The following NUP188 variants were observed in gnomAD, a reference collection of about 807,000 sequenced individuals.
The protein encoded by NUP188 is nucleoporin NUP188.
In NUP188, 97 loss-of-function variants were observed where a neutral mutation model predicts 223.0. That is an observed-to-expected ratio of 0.43 (90% CI 0.37 to 0.51). The LOEUF (loss-of-function observed/expected upper bound fraction) is 0.51. NUP188 is among the 20% of genes least tolerant of loss of function. The pLI, the probability that NUP188 is intolerant of heterozygous loss-of-function variation, is 0.00. For synonymous variants in NUP188, 869 were observed against 828.0 expected, an observed-to-expected ratio of 1.05 and a Z score of -0.85; for missense variants, 1,947 against 2,175.6, an observed-to-expected ratio of 0.89 and a Z score of 2.09.
At chr9:128,960,716 A>C (rs1055444650) in intron 8 of NUP188, among the ~76,000 whole-genome samples, 1 of 152,136 alleles carries the variant, frequency 6.6e-6, no homozygotes, top group Non-Finnish European at 1.5e-5. Flanking sequence ...GTGGGAGGCC[A>C]AGGCAGGCAG....
chr9:128,973,254 G>A lies in NUP188; in HGVS notation c.1203+5G>A. On this transcript the variant is annotated splice_donor_5th_base_variant and intron_variant, in intron 12 of 43. Transcript: ENST00000372577. ...CACACCCTGGGCAATCAGCAGGTCA[G>A]TGTCTGGCTTTCATGAAGCTGTCTC... 1 of 1,611,052 alleles carries A rather than the reference G, an allele frequency of 6.2e-7. No individual in the cohort carries two copies.
chr9:128,995,578 T>G, intron 30 of NUP188, 64 bp downstream of exon 30: 1 of 1,337,222 alleles, frequency 7.5e-7, no homozygotes, highest in Non-Finnish European at 1.0e-6. Context: ...GACATGAGCC[T>G]AGCAGATACA....
chr9:128,961,167 T>G lies in NUP188; in HGVS notation c.585+2033T>G, dbSNP rs562891445. The stretch of plus-strand genomic sequence containing the variant: ...AAGCCCTGTCTCTAGTAAAAAAATA[T>G]ACAAAAAAAAAAATTAGCTGAGCAT... On this transcript the variant is annotated intron_variant, in intron 8 of 43. Coordinates refer to ENST00000372577, the MANE Select transcript of NUP188 (RefSeq NM_015354.3). Among the ~76,000 whole-genome samples, 9 of 139,982 alleles carry G rather than the reference T, an allele frequency of 6.4e-5. No individual in the cohort carries two copies. The South Asian group carries it at 2.0e-3, about 32-fold the overall frequency. The allele number at this position is 139,982 out of a possible 152,430, so 91.8% of individuals were successfully genotyped here.
Position 128,999,183 on chromosome 9 carries a change from C to G in NUP188, c.3527C>G (p.Ser1176Cys), listed in dbSNP as rs1254938300. The G allele has an allele frequency of 9.9e-6, 16 of 1,613,912 alleles. No individual in the cohort carries two copies. Among genetic ancestry groups the G allele is most frequent in the African/African-American group, 1.3e-5 (1 of 74,912 alleles). The change falls in exon 33 of 44, where the codon TCT (serine) becomes TGT (cysteine). Residue 1176 changes from serine to cysteine, a missense_variant. This residue lies in a region of NUP188 where 905 missense variants were observed against 990.6 expected (regional missense o/e 0.91). Transcript: ENST00000372577. ...AGTATTCTTTCTAGAGAGTTAGGTT[C>G]TGTGGATGAAATCCTTGGACCCTTG... Reference protein sequence around the residue: ...LLRQWKRELGSVDEILGPLTE... With the variant: ...LLRQWKRELGCVDEILGPLTE...
intron 36 of NUP188, among the ~76,000 whole-genome samples, chr9:129,002,286 C>G (rs1842685453): frequency 6.6e-6 from 1 of 152,216 alleles, no homozygotes. Context: ...GCTGTCCTCT[C>G]CTGTCATTCC....
chr9:128,995,484 G>C lies in NUP188; in HGVS notation c.3321G>C (p.Trp1107Cys). 1 of 1,605,972 alleles carries C rather than the reference G, an allele frequency of 6.2e-7. No individual in the cohort carries two copies. Among genetic ancestry groups the C allele is most frequent in the East Asian group, 2.2e-5 (1 of 44,828 alleles). Reference protein sequence around the residue: ...LLEYQMLVSAWRMLLIIATTH... With the variant: ...LLEYQMLVSACRMLLIIATTH... ...AGTACCAGATGCTGGTGTCCGCCTG[G>C]AGGATGCTTCTCATCATTGCCACCA... Residue 1107 changes from tryptophan (W) to cysteine (C), a missense_variant, in exon 30 of 44, where the codon TGG becomes TGC. Transcript: ENST00000372577.
chr9:128,958,705 T>C, intron 6 of NUP188, 97 bp from the exon 7 acceptor site: 1 of 571,596 alleles, frequency 1.7e-6, no homozygotes, highest in Non-Finnish European at 2.9e-6. Context: ...AATTGAACTT[T>C]TCCATCCACA....
intron 34 of NUP188, among the ~76,000 whole-genome samples, chr9:129,000,895 G>A (rs1588293048): frequency 1.3e-5 from 2 of 151,684 alleles, no homozygotes; most frequent in Admixed American, 6.6e-5. Context: ...AAAATTAGCC[G>A]GGCGTGGTGG....
intron 1 of NUP188, 151 bp from the exon 2 acceptor site, chr9:128,949,038 T>C (rs1286827843): frequency 3.4e-6 from 2 of 589,722 alleles, no homozygotes; most frequent in African/African-American, 3.8e-5. Context: ...ACAATATTAT[T>C]ATATAACAAG....
Position 128,987,064 on chromosome 9 carries a change from T to TGAGAGAGA in NUP188, c.2264+207_2264+214dup, listed in dbSNP as rs137999231. Among the ~76,000 whole-genome samples the TGAGAGAGA allele has an allele frequency of 7.5e-3, 831 of 110,936 alleles. 3 individuals carry two copies. Among genetic ancestry groups the TGAGAGAGA allele is most frequent in the Middle Eastern group, 0.014 (3 of 222 alleles). 72.8% of individuals were successfully genotyped at this position (110,936 alleles called of 152,430 possible). A position where few individuals can be genotyped will look rare whatever the true frequency, so the allele number is the denominator to read the frequency against. ...CTCACTGTGGACAGAGAAGTAGGAA[T>TGAGAGAGA]GAGAGAGAGAGAGAGAGAGAGAGAG... On this transcript the variant is annotated intron_variant, in intron 22 of 43. Coordinates refer to ENST00000372577, the MANE Select transcript of NUP188 (RefSeq NM_015354.3).
chr9:128,947,977 G>A (rs2131130905), intron 1 of NUP188: 2 of 392,652 alleles, frequency 5.1e-6, no homozygotes, highest in South Asian at 1.3e-4. Flanking sequence ...CCTTCCCTCC[G>A]CGCTCGGCCT....
rs1422331238 is a variant in NUP188, at chr9:128,993,547, G to A, written c.2870G>A (p.Ser957Asn). 1 of 1,614,032 alleles carries A rather than the reference G, an allele frequency of 6.2e-7. No homozygotes were observed. Among genetic ancestry groups the A allele is most frequent in the Non-Finnish European group, 8.5e-7 (1 of 1,180,036 alleles). Residue 957 changes from serine to asparagine, a missense_variant, in exon 27 of 44, where the codon AGC (serine) becomes AAC (asparagine). By Grantham distance (46) the Ser-to-Asn change is conservative. Transcript: ENST00000372577. ...CAGGAATTCAGCCTTGGGATGTGGA[G>A]CTGTCTCCATGCAGTGCTGGAGCTG... is the stretch of plus-strand genomic sequence containing the variant. Reference protein sequence around the residue: ...GSKEFSLGMWSCLHAVLELID... With the variant: ...GSKEFSLGMWNCLHAVLELID...
chr9:129,001,028 C>G (rs1437821364), intron 34 of NUP188, among the ~76,000 whole-genome samples: 1 of 152,070 alleles, frequency 6.6e-6, no homozygotes, highest in African/African-American at 2.4e-5. Context: ...CAGAGCGAGG[C>G]TCCATCTCAA....
rs746695959 is a variant in NUP188 at position 128,947,727 on chromosome 9, C to G, written c.8C>G (p.Ala3Gly). 1 of 1,468,128 alleles carries G rather than the reference C, an allele frequency of 6.8e-7. No individual in the cohort carries two copies. Among genetic ancestry groups the G allele is most frequent in the East Asian group, 2.6e-5 (1 of 37,748 alleles). The allele number at this position is 1,468,128 out of a possible 1,614,324, so 90.9% of individuals were successfully genotyped here. The change falls in exon 1 of 44, where the codon GCG becomes GGG. Residue 3 changes from alanine (A) to glycine (G), a missense_variant. By Grantham distance (60) the Ala-to-Gly change is moderately conservative. Around this residue, in one of 3 missense-constraint regions of NUP188, gnomAD observed 817 missense variants for 865.8 expected, o/e 0.94. Coordinates refer to ENST00000372577, the MANE Select transcript of NUP188 (RefSeq NM_015354.3). Reference protein sequence around the residue: MAAAAGGPCVRSS... With the variant: MAGAAGGPCVRSS... ...GCGAGCGGGCGCGCGAAGATGGCGGCGGCCGCCGGCGGGCCGTGTGTGAGG... is the reference window on the plus strand; with the variant it reads ...GCGAGCGGGCGCGCGAAGATGGCGGGGGCCGCCGGCGGGCCGTGTGTGAGG...
chr9:128,995,267 T>A, intron 29 of NUP188, 52 bp from the exon 30 acceptor site: 4 of 1,450,456 alleles, frequency 2.8e-6, no homozygotes, highest in Middle Eastern at 1.7e-4. Flanking sequence ...GTACCCATTA[T>A]ATTCCCATCT....
chr9:128,954,824 T>C (rs1588268601), intron 3 of NUP188, among the ~76,000 whole-genome samples: 1 of 152,114 alleles, frequency 6.6e-6, no homozygotes, highest in East Asian at 1.9e-4. Flanking sequence ...TTGTGAGTTT[T>C]TGGGAAAAAT....
chr9:128,980,660 C>T lies in NUP188; in HGVS notation c.1324C>T (p.His442Tyr). The part of the protein sequence containing the change: ...ILDSVCGMFP[H>Y]LLSPLLQLLR... ...GGACAGTGTGTGTGGAATGTTTCCC[C>T]ACCTTCTCTCCCCACTCCTGCAACT... Residue 442 changes from histidine to tyrosine, a missense_variant, in exon 14 of 44, where the codon CAC becomes TAC. By Grantham distance (83) the His-to-Tyr change is moderately conservative (BLOSUM62 2). Around this residue, in one of 3 missense-constraint regions of NUP188, gnomAD observed 817 missense variants for 865.8 expected, o/e 0.94. Transcript: ENST00000372577. 6.2e-7 allele frequency: 1 copy of T among 1,614,122 alleles called. No individual in the cohort carries two copies. The highest frequency in any genetic ancestry group is 2.2e-5 in the East Asian group (1 of 44,874).
chr9:128,956,884 T>C, intron 4 of NUP188, 68 bp from the exon 5 acceptor site: 3 of 1,094,194 alleles, frequency 2.7e-6, no homozygotes, highest in Non-Finnish European at 2.7e-6. Flanking sequence ...AGAAGACAAA[T>C]CTTTAAATTC....
intron 8 of NUP188, among the ~76,000 whole-genome samples, chr9:128,960,734 T>G (rs1338594440): frequency 6.6e-6 from 1 of 151,908 alleles, no homozygotes; most frequent in African/African-American, 2.4e-5. Context: ...CAGATTACTT[T>G]AGGTCAGGAG....
Sources: gnomAD v4.1 joint callset for allele counts (sites outside exome capture counted in the v4.1 genomes callset) on GRCh38, gnomAD v4.1.1 for gene constraint, gnomAD v4.1.1 regional missense constraint, MANE v1.5 for transcripts, NCBI Gene and HGNC (gene_info 2026-07-23, HGNC 2026-07-21) for gene names.